The following MEGF11 variants were observed in gnomAD, a reference collection of about 807,000 sequenced individuals.
MEGF11 encodes the protein multiple epidermal growth factor-like domains protein 11.
Under a neutral mutation model 146.6 loss-of-function variants are expected in MEGF11, and 126 were observed. The ratio of observed to expected loss-of-function variants is 0.86; its 90% confidence interval spans 0.74 to 1.00. The LOEUF (loss-of-function observed/expected upper bound fraction) is 1.00, where lower values mean the gene tolerates loss of function less well. Among genes scored for constraint, MEGF11 ranks in the 50% least tolerant of loss-of-function variants. The probability of loss-of-function intolerance (pLI) is 0.00; values close to 1 mark genes in which losing one functional copy is unlikely to be tolerated. For missense variants in MEGF11, 1,509 were observed against 1,521.2 expected, an observed-to-expected ratio of 0.99 and a Z score of 0.13; for synonymous variants, 532 against 583.4, an observed-to-expected ratio of 0.91 and a Z score of 1.27.
intron 1 of MEGF11, among the ~76,000 whole-genome samples, chr15:66,249,114 AAGAC>A (rs1343619121): frequency 5.3e-5 from 8 of 152,202 alleles, no homozygotes; most frequent in African/African-American, 9.7e-5. Flanking sequence ...GAAATACAGG[AAGAC>A]AGACAGACAG....
intron 5 of MEGF11, among the ~76,000 whole-genome samples, chr15:66,022,113 C>G (rs116457912): frequency 2.0e-5 from 3 of 152,166 alleles, no homozygotes; most frequent in African/African-American, 7.2e-5. Context: ...ACCCATGCAG[C>G]GAGAACAGAG....
intron 1 of MEGF11, among the ~76,000 whole-genome samples, chr15:66,202,214 TAGACAATATGTG>T (rs145061100): frequency 0.29 from 44,162 of 151,760 alleles, 6,822 homozygotes; most frequent in East Asian, 0.59. Context: ...ACCATATATG[TAGACAATATGTG>T]CATATACAAC....
At chr15:66,099,214 T>C (rs1415638646) in intron 4 of MEGF11, among the ~76,000 whole-genome samples, 15 of 147,980 alleles carry the variant, frequency 1.0e-4, no homozygotes, top group African/African-American at 3.7e-4. Flanking sequence ...CTTTTTTTTT[T>C]TTTTTTTTGA....
chr15:66,229,016 C>T (rs75952663), intron 1 of MEGF11, among the ~76,000 whole-genome samples: 2 of 152,134 alleles, frequency 1.3e-5, no homozygotes, highest in East Asian at 3.9e-4. Flanking sequence ...GGGTGCTGCA[C>T]TACCCTTTGC....
At chr15:66,028,230 C>T (rs935094249) in intron 5 of MEGF11, among the ~76,000 whole-genome samples, 7 of 152,218 alleles carry the variant, frequency 4.6e-5, no homozygotes, top group African/African-American at 1.7e-4. Context: ...CCCTGCAGCA[C>T]CCAGCACAGA....
At chr15:66,011,147 G>A (rs1008231015) in intron 5 of MEGF11, among the ~76,000 whole-genome samples, 4 of 152,178 alleles carry the variant, frequency 2.6e-5, no homozygotes, top group Admixed American at 1.3e-4. Flanking sequence ...CTTTAGTCTC[G>A]GCACTCAGTT....
intron 5 of MEGF11, among the ~76,000 whole-genome samples, chr15:66,052,649 C>T (rs1225784248): frequency 2.0e-5 from 3 of 152,132 alleles, no homozygotes; most frequent in Admixed American, 2.0e-4. Flanking sequence ...CTACTCTAAG[C>T]CGAGAGAAAG....
intron 5 of MEGF11, among the ~76,000 whole-genome samples, chr15:66,044,838 G>A (rs179691): frequency 0.98 from 134,182 of 136,916 alleles, 65,815 homozygotes; most frequent in Middle Eastern, 1. Flanking sequence ...GGATGACAGT[G>A]AGACCTTATC....
At chr15:65,936,703 T>C (rs2079801856) in intron 10 of MEGF11, among the ~76,000 whole-genome samples, 1 of 152,204 alleles carries the variant, frequency 6.6e-6, no homozygotes, top group Admixed American at 6.5e-5. Flanking sequence ...CCAGAGAGAC[T>C]AGAAGCTTCA....
chr15:65,931,018 C>T (rs1426757229), intron 10 of MEGF11, 75 bp from the exon 11 acceptor site: 16 of 1,409,884 alleles, frequency 1.1e-5, no homozygotes, highest in Non-Finnish European at 1.3e-5. Context: ...GGATAATGAC[C>T]CCTGCTGCCC....
chr15:66,034,211 G>A (rs566787945), intron 5 of MEGF11, among the ~76,000 whole-genome samples: 76 of 152,310 alleles, frequency 5.0e-4, no homozygotes, highest in Non-Finnish European at 8.5e-4. Context: ...CAATCTCACA[G>A]CTGGAGGGAA....
chr15:66,044,575 T>A (rs2084118214), intron 5 of MEGF11, among the ~76,000 whole-genome samples: 1 of 152,074 alleles, frequency 6.6e-6, no homozygotes, highest in Non-Finnish European at 1.5e-5. Context: ...TGAACTGGTG[T>A]GCTGGCTCAT....
intron 5 of MEGF11, among the ~76,000 whole-genome samples, chr15:66,066,456 G>A (rs1433497117): frequency 6.6e-6 from 1 of 152,218 alleles, no homozygotes; most frequent in Non-Finnish European, 1.5e-5. Context: ...CTATTTCAAT[G>A]ATAATTTTAA....
Position 65,982,497 on chromosome 15 carries a change from G to C in MEGF11, c.395-9C>G. 1 of 1,471,948 alleles carries C rather than the reference G, an allele frequency of 6.8e-7. No homozygotes were observed. Among genetic ancestry groups the C allele is most frequent in the Non-Finnish European group, 9.0e-7 (1 of 1,112,272 alleles). 91.2% of individuals were successfully genotyped at this position (1,471,948 alleles called of 1,614,324 possible). A position where few individuals can be genotyped will look rare whatever the true frequency, so the allele number is the denominator to read the frequency against. On this transcript the variant is annotated splice_polypyrimidine_tract_variant and intron_variant, in intron 5 of 25. Transcript: ENST00000395614. This position sits in a 1 kb window ranked among gnomAD's most constrained non-coding sequence, Gnocchi z 5.6. ...GTGGTCGCTGTCGCAGCCTGCAAGA[G>C]ACGGGACAGTCAGGGATCAGGAGCC... is the stretch of plus-strand genomic sequence containing the variant.
In MEGF11 at chr15:65,897,879, C is replaced by T. The variant is rs913330437; in HGVS notation, c.*55G>A. 1.6e-5 allele frequency: 24 copies of T among 1,538,360 alleles called. No individual in the cohort carries two copies. The highest frequency in any genetic ancestry group is 2.1e-5 in the Non-Finnish European group (24 of 1,131,022). On this transcript the variant is annotated 3_prime_UTR_variant, in exon 26 of 26. Transcript: ENST00000395614. ...TTACTTCAAGTCAAGGGACTGTCTT[C>T]TTTCAGAGTCAGAATATTCAGTAGA... is the stretch of plus-strand genomic sequence containing the variant.
intron 5 of MEGF11, among the ~76,000 whole-genome samples, chr15:66,023,765 GC>G (rs1334522228): frequency 2.6e-5 from 4 of 152,322 alleles, no homozygotes; most frequent in Admixed American, 2.6e-4. Flanking sequence ...AGCACCAGTT[GC>G]TCAGACCAAA....
intron 5 of MEGF11, among the ~76,000 whole-genome samples, chr15:65,993,873 A>C (rs1443819440): frequency 6.6e-6 from 1 of 152,184 alleles, no homozygotes; most frequent in African/African-American, 2.4e-5. Flanking sequence ...GCCTCTCTCT[A>C]TCTCTCTCAC....
chr15:65,974,485 C>T (rs2081390013), intron 7 of MEGF11, among the ~76,000 whole-genome samples: 1 of 152,096 alleles, frequency 6.6e-6, no homozygotes, highest in Non-Finnish European at 1.5e-5. Context: ...AGGTGAAACT[C>T]CATCTCTAGT....
At position 66,251,115 on chromosome 15, in the gene MEGF11, A is replaced by T. The variant is rs74019552; in HGVS notation, c.-9+2490T>A. ...CCCCTGGGGCCAGGTTCTGAGCTTGAGCTCTGAGCAACTGGCTCTTCTAGC... is the reference window on the plus strand; with the variant it reads ...CCCCTGGGGCCAGGTTCTGAGCTTGTGCTCTGAGCAACTGGCTCTTCTAGC... On this transcript the variant is annotated intron_variant, in intron 1 of 25. Transcript: ENST00000395614. Among the ~76,000 whole-genome samples the T allele has an allele frequency of 2.5e-3, 383 of 152,280 alleles. 2 individuals are homozygous for T. The highest frequency in any genetic ancestry group is 8.9e-3 in the African/African-American group (370 of 41,562).
Sources: gnomAD v4.1 joint callset for allele counts (sites outside exome capture counted in the v4.1 genomes callset) on GRCh38, gnomAD v4.1.1 for gene constraint, Gnocchi (gnomAD v3.1) non-coding constraint, MANE v1.5 for transcripts, NCBI Gene and HGNC (gene_info 2026-07-23, HGNC 2026-07-21) for gene names.